The following ZPBP variants were observed in gnomAD, a reference collection of about 807,000 sequenced individuals.
ZPBP encodes zona pellucida binding protein, also known as zona pellucida-binding protein 1.
Under a neutral mutation model 44.8 loss-of-function variants are expected in ZPBP, and 26 were observed. The observed-to-expected ratio is 0.58, with a 90% confidence interval of 0.43 to 0.81. The LOEUF is 0.81. Ranked by LOEUF, ZPBP falls within the 30% of genes least tolerant of loss-of-function variation. The probability of loss-of-function intolerance (pLI) is 0.00; values close to 1 mark genes in which losing one functional copy is unlikely to be tolerated. For missense variants in ZPBP, 409 were observed against 434.0 expected, an observed-to-expected ratio of 0.94 and a Z score of 0.51; for synonymous variants, 174 against 153.2, an observed-to-expected ratio of 1.14 and a Z score of -1.00.
At chr7:49,926,876 G>A (rs898647116) in intron 1 of ZPBP, among the ~76,000 whole-genome samples, 20 of 152,208 alleles carry the variant, frequency 1.3e-4, no homozygotes, top group East Asian at 1.9e-4. Flanking sequence ...GCAGAGGAGC[G>A]GCCCTCCAGC....
At chr7:50,051,467 C>T (rs768611064) in intron 4 of ZPBP, among the ~76,000 whole-genome samples, 25 of 151,986 alleles carry the variant, frequency 1.6e-4, no homozygotes, top group Admixed American at 1.1e-3. Context: ...CATTCTGTTA[C>T]GAGGATACAT....
chr7:49,874,522 CGTT>C, intron 2 of ZPBP, among the ~76,000 whole-genome samples: 1 of 151,224 alleles, frequency 6.6e-6, no homozygotes, highest in Non-Finnish European at 1.5e-5. Context: ...AATGTATCCT[CGTT>C]GTTACATGAC....
At position 50,081,858 on chromosome 7, in the gene ZPBP, A is replaced by G; in HGVS notation, c.250T>C (p.Leu84=). 6.2e-7 allele frequency: 1 copy of G among 1,611,422 alleles called. No individual in the cohort carries two copies. Reference sequence around the variant, plus strand: ...TTTCGCAGTTGTTGCGTTACACATAACACGTGTGGACTCTTTTGATGGAGC... The same window carrying G: ...TTTCGCAGTTGTTGCGTTACACATAGCACGTGTGGACTCTTTTGATGGAGC... ...VMLHQKSPHV[L]CVTQQLRNAE... is the part of the protein sequence containing the mutation. Residue 84 remains leucine, a synonymous_variant, in exon 3 of 8, where the codon TTA becomes CTA. Coordinates refer to ENST00000046087, the MANE Select transcript of ZPBP (RefSeq NM_007009.3).
intron 7 of ZPBP, among the ~76,000 whole-genome samples, chr7:49,960,380 C>T (rs1298779060): frequency 6.6e-6 from 1 of 151,924 alleles, no homozygotes; most frequent in African/African-American, 2.4e-5. Context: ...CATGCCACTG[C>T]ACTCCAGCCT....
intron 2 of ZPBP, among the ~76,000 whole-genome samples, chr7:49,886,944 CT>C (rs1440827926): frequency 1.3e-5 from 2 of 150,556 alleles, no homozygotes; most frequent in Non-Finnish European, 3.0e-5. Context: ...ATTTTTTTTT[CT>C]TTTTCTTTTG....
chr7:49,892,118 C>T (rs1254577737), intron 2 of ZPBP, among the ~76,000 whole-genome samples: 1 of 139,502 alleles, frequency 7.2e-6, no homozygotes, highest in Non-Finnish European at 1.5e-5. Context: ...AATCTCGGCT[C>T]ACTGCAAGCT....
chr7:49,886,589 T>C lies in ZPBP; in HGVS notation n.509+14529A>G, dbSNP rs1053658246. 2.0e-5 allele frequency among the ~76,000 whole-genome samples: 3 copies of C among 152,342 alleles called. No homozygotes were observed. The East Asian group carries it at 5.8e-4, about 29-fold the overall frequency. On this transcript the variant is annotated intron_variant and non_coding_transcript_variant, in intron 2 of 2. Coordinates refer to the ZPBP transcript ENST00000465922. ...TTTAGAATATGGTATCACATTATTA[T>C]GTAGTGTAGTATTTTTTTTACTTTT...
At chr7:49,875,895 C>T (rs537872675) in intron 2 of ZPBP, among the ~76,000 whole-genome samples, 28 of 152,252 alleles carry the variant, frequency 1.8e-4, no homozygotes, top group African/African-American at 6.5e-4. Flanking sequence ...TTGTCCCTGG[C>T]ATCGACTATG....
At position 50,040,752 on chromosome 7, in the gene ZPBP, G is replaced by T. The variant is rs541355482; in HGVS notation, c.488-9442C>A. 5.9e-5 allele frequency among the ~76,000 whole-genome samples: 9 copies of T among 152,318 alleles called. No individual in the cohort carries two copies. The East Asian group carries it at 1.7e-3, about 29-fold the overall frequency. On this transcript the variant is annotated intron_variant, in intron 4 of 7. Coordinates refer to ENST00000046087, the MANE Select transcript of ZPBP (RefSeq NM_007009.3). ...GGCCATTTGGGCAGACACCGAGTGA[G>T]CTGCAGGAGTTTATTTTTCACACCC...
intron 2 of ZPBP, among the ~76,000 whole-genome samples, chr7:49,886,874 T>C (rs1029027869): frequency 6.6e-6 from 1 of 152,242 alleles, no homozygotes; most frequent in African/African-American, 2.4e-5. Flanking sequence ...TATGTTTCAA[T>C]TGTTGGACCT....
At chr7:49,963,758 G>A (rs1171978647) in intron 7 of ZPBP, among the ~76,000 whole-genome samples, 1 of 151,766 alleles carries the variant, frequency 6.6e-6, no homozygotes, top group Non-Finnish European at 1.5e-5. Flanking sequence ...CACAAAGAAA[G>A]CTCTAGGCCC....
intron 2 of ZPBP, among the ~76,000 whole-genome samples, chr7:49,892,201 C>T (rs1013365615): frequency 6.6e-6 from 1 of 151,472 alleles, no homozygotes. Flanking sequence ...CCCACCATCA[C>T]GCCCGGCTAA....
intron 6 of ZPBP, among the ~76,000 whole-genome samples, chr7:50,002,616 G>T (rs1208983093): frequency 6.6e-6 from 1 of 152,130 alleles, no homozygotes; most frequent in Non-Finnish European, 1.5e-5. Flanking sequence ...AGTATCTGAA[G>T]ATCACACCAG....
chr7:50,046,230 G>A (rs1206221312), intron 4 of ZPBP, among the ~76,000 whole-genome samples: 1 of 152,184 alleles, frequency 6.6e-6, no homozygotes, highest in Non-Finnish European at 1.5e-5. Flanking sequence ...TCAGGACATA[G>A]GCATGGCCAA....
intron 1 of ZPBP, chr7:49,918,569 G>A (rs1392720568): frequency 1.3e-5 from 2 of 152,180 alleles, no homozygotes; most frequent in Non-Finnish European, 2.9e-5. Context: ...GTTCAGGTAT[G>A]ATTCTCATAT....
chr7:50,090,343 T>G lies in ZPBP; in HGVS notation c.128-634A>C, dbSNP rs960721657. 2.0e-5 allele frequency among the ~76,000 whole-genome samples: 3 copies of G among 151,948 alleles called. No homozygotes were observed. In the East Asian group the frequency reaches 5.8e-4, roughly 30 times the overall value. On this transcript the variant is annotated intron_variant, in intron 1 of 7. Coordinates refer to ENST00000046087, the MANE Select transcript of ZPBP (RefSeq NM_007009.3). ...TAGCTCCCACTTATAAATGAGAACATATAATGTTTGGTTTTGCATTCCTGA... is the reference window on the plus strand; with the variant it reads ...TAGCTCCCACTTATAAATGAGAACAGATAATGTTTGGTTTTGCATTCCTGA...
chr7:50,009,867 T>G (rs13223903), intron 6 of ZPBP, among the ~76,000 whole-genome samples: 39,773 of 144,036 alleles, frequency 0.28, 6,457 homozygotes, highest in Non-Finnish European at 0.39. Context: ...AAAACCAAAA[T>G]TAAAACATAA....
At chr7:49,842,086 T>C in the ZPBP span, among the ~76,000 whole-genome samples, 1 of 152,170 alleles carries the variant, frequency 6.6e-6, no homozygotes, top group African/African-American at 2.4e-5. Flanking sequence ...CAGGCTGGTC[T>C]TGAACTCCTG....
chr7:50,033,678 G>GTTTGTTTGTTTGTTTGTTTGTTTA (rs143206693), intron 4 of ZPBP, among the ~76,000 whole-genome samples: 2 of 148,824 alleles, frequency 1.3e-5, no homozygotes, highest in African/African-American at 4.9e-5. Context: ...TCTTTCTACA[G>GTTTGTTTGTTTGTTTGTTTGTTTA]TTTATTTATT....
Sources: allele counts gnomAD v4.1 joint callset (sites outside exome capture counted in the v4.1 genomes callset), GRCh38; gene constraint gnomAD v4.1.1; transcripts MANE v1.5; gene names NCBI Gene and HGNC (gene_info 2026-07-23, HGNC 2026-07-21).